Variants in SSBP2 observed in about 807,000 individuals in gnomAD.
The protein encoded by SSBP2 is single-stranded DNA-binding protein 2.
A neutral mutation model predicts 61.8 loss-of-function variants in SSBP2; 17 were observed. The observed-to-expected ratio is 0.28, with a 90% confidence interval of 0.19 to 0.41. The LOEUF is 0.41. Among genes scored for constraint, SSBP2 ranks in the 10% least tolerant of loss-of-function variants. The pLI, the probability that SSBP2 is intolerant of heterozygous loss-of-function variation, is 1.00. For missense variants in SSBP2, 310 were observed against 458.7 expected, an observed-to-expected ratio of 0.68 and a Z score of 2.96; for synonymous variants, 139 against 141.3, an observed-to-expected ratio of 0.98 and a Z score of 0.12.
At chr5:81,720,993 C>A (rs1029820319) in intron 1 of SSBP2, among the ~76,000 whole-genome samples, 1 of 151,914 alleles carries the variant, frequency 6.6e-6, no homozygotes, top group Non-Finnish European at 1.5e-5. Context: ...CTAGGTAATA[C>A]AATCAACATG....
chr5:81,634,843 T>C (rs1188366451), intron 3 of SSBP2, among the ~76,000 whole-genome samples: 1 of 152,252 alleles, frequency 6.6e-6, no homozygotes, highest in Non-Finnish European at 1.5e-5. Context: ...TTATATCTAC[T>C]TAATGCCTTG....
At chr5:81,501,563 C>CTTTTTTT (rs71603598) in intron 5 of SSBP2, among the ~76,000 whole-genome samples, 7 of 117,390 alleles carry the variant, frequency 6.0e-5, no homozygotes, top group Non-Finnish European at 1.1e-4. Context: ...TCTTTCTTTT[C>CTTTTTTT]TTTTTTTTTT....
intron 4 of SSBP2, among the ~76,000 whole-genome samples, chr5:81,557,205 C>T (rs904831016): frequency 6.6e-6 from 1 of 152,138 alleles, no homozygotes; most frequent in African/African-American, 2.4e-5. Flanking sequence ...AAAAAGTTTG[C>T]TGAAATCTTC....
In SSBP2 at chr5:81,461,118, G is replaced by A. The variant is rs775923051; in HGVS notation, c.639-15C>T. The A allele has an allele frequency of 6.4e-7, 1 of 1,570,900 alleles. No individual in the cohort carries two copies. The highest frequency in any genetic ancestry group is 1.9e-5 in the Admixed American group (1 of 53,828). ...CACCTGGACCCCTACAAAACAATTT[G>A]ATAAATGAAATTTTAACCTATGCTT... On this transcript the variant is annotated splice_polypyrimidine_tract_variant and intron_variant, in intron 9 of 16. Coordinates refer to ENST00000320672, the MANE Select transcript of SSBP2 (RefSeq NM_012446.5).
At chr5:81,437,351 A>C (rs1762736862) in intron 15 of SSBP2, 79 bp downstream of exon 15, 7 of 1,394,260 alleles carry the variant, frequency 5.0e-6, no homozygotes, top group Non-Finnish European at 5.9e-6. Flanking sequence ...AAAATTCGTA[A>C]ATTTACTCTA....
intron 1 of SSBP2, among the ~76,000 whole-genome samples, chr5:81,724,628 A>G (rs1391333405): frequency 1.3e-5 from 2 of 152,100 alleles, no homozygotes; most frequent in Non-Finnish European, 2.9e-5. Flanking sequence ...CACAGCCTAT[A>G]CAAAGGTAAA....
At chr5:81,439,669 T>G (rs1762892535) in intron 14 of SSBP2, among the ~76,000 whole-genome samples, 2 of 108,250 alleles carry the variant, frequency 1.8e-5, no homozygotes, top group African/African-American at 7.6e-5. Flanking sequence ...CCCAGCTAGT[T>G]TTTTTTTTTT....
At chr5:81,484,156 G>T (rs546646832) in intron 6 of SSBP2, among the ~76,000 whole-genome samples, 121 of 152,190 alleles carry the variant, frequency 8.0e-4, no homozygotes, top group African/African-American at 2.9e-3. Flanking sequence ...GAGTGATTTT[G>T]GATAGCCCTG....
chr5:81,652,098 C>T (rs1422158822), intron 1 of SSBP2, among the ~76,000 whole-genome samples: 1 of 152,106 alleles, frequency 6.6e-6, no homozygotes, highest in African/African-American at 2.4e-5. Context: ...GCTGGTCCAC[C>T]AAGCTTGGGG....
intron 1 of SSBP2, among the ~76,000 whole-genome samples, chr5:81,717,771 C>T (rs1265318825): frequency 2.0e-5 from 3 of 152,174 alleles, no homozygotes; most frequent in Non-Finnish European, 2.9e-5. Flanking sequence ...ATTCTACTTA[C>T]ATTTTCAATG....
intron 1 of SSBP2, among the ~76,000 whole-genome samples, chr5:81,657,404 G>T (rs115592263): frequency 0.014 from 2,176 of 152,238 alleles, 26 homozygotes; most frequent in Non-Finnish European, 0.023. Flanking sequence ...ATGATATTAA[G>T]AAATGTTCAT....
chr5:81,719,308 C>G (rs1755387792), intron 1 of SSBP2, among the ~76,000 whole-genome samples: 1 of 152,174 alleles, frequency 6.6e-6, no homozygotes, highest in African/African-American at 2.4e-5. Flanking sequence ...ATGCCCATCC[C>G]CGCTTCCTCC....
intron 1 of SSBP2, among the ~76,000 whole-genome samples, chr5:81,684,706 C>A (rs912513560): frequency 1.3e-5 from 2 of 152,180 alleles, no homozygotes; most frequent in Non-Finnish European, 2.9e-5. Flanking sequence ...ACCCCGACTG[C>A]ATCTTGGAGT....
At chr5:81,678,446 T>C (rs938754774) in intron 1 of SSBP2, among the ~76,000 whole-genome samples, 1 of 151,900 alleles carries the variant, frequency 6.6e-6, no homozygotes, top group African/African-American at 2.4e-5. Flanking sequence ...AATTTTAACA[T>C]ACATGTAATG....
chr5:81,698,406 G>GT (rs1284134407), intron 1 of SSBP2, among the ~76,000 whole-genome samples: 2 of 152,096 alleles, frequency 1.3e-5, no homozygotes, highest in African/African-American at 4.8e-5. Flanking sequence ...AAACAAAAAG[G>GT]TAAGAGGATG....
intron 5 of SSBP2, 36 bp downstream of exon 5, chr5:81,513,592 T>C (rs763502572): frequency 7.9e-7 from 1 of 1,272,866 alleles, no homozygotes; most frequent in Non-Finnish European, 1.1e-6. Context: ...GGAGTTCCTA[T>C]GCTTTAACAT....
At chr5:81,425,432 T>A (rs921366050) in intron 16 of SSBP2, among the ~76,000 whole-genome samples, 2 of 152,000 alleles carry the variant, frequency 1.3e-5, no homozygotes, top group Non-Finnish European at 2.9e-5. Context: ...ACAAAGGGGG[T>A]AAGGGAATGA....
At chr5:81,694,820 A>AT (rs898112095) in intron 1 of SSBP2, among the ~76,000 whole-genome samples, 1 of 152,098 alleles carries the variant, frequency 6.6e-6, no homozygotes, top group Non-Finnish European at 1.5e-5. Flanking sequence ...ACAAAAAAAA[A>AT]TTTTTTTAAC....
At chr5:81,429,478 C>T (rs1028809118) in intron 15 of SSBP2, among the ~76,000 whole-genome samples, 2 of 152,056 alleles carry the variant, frequency 1.3e-5, no homozygotes, top group Non-Finnish European at 2.9e-5. Context: ...TGATACTCCA[C>T]ATCAATAGGA....
Sources: allele counts gnomAD v4.1 joint callset (sites outside exome capture counted in the v4.1 genomes callset), GRCh38; gene constraint gnomAD v4.1.1; transcripts MANE v1.5; gene names NCBI Gene and HGNC (gene_info 2026-07-23, HGNC 2026-07-21).